The following ZNF141 variants were observed in gnomAD, a reference collection of about 807,000 sequenced individuals.
ZNF141 encodes zinc finger protein 141 (clone pHZ-44).
Under a neutral mutation model 11.3 loss-of-function variants are expected in ZNF141, and 7 were observed. The ratio of observed to expected loss-of-function variants is 0.62; its 90% CI spans 0.35 to 1.16. ZNF141 has a LOEUF of 1.16. Ranked by LOEUF, ZNF141 falls within the 50% of genes most tolerant of loss-of-function variation. The probability of loss-of-function intolerance (pLI) is 0.02; values close to 1 mark genes in which losing one functional copy is unlikely to be tolerated. For missense variants in ZNF141, 535 were observed against 554.0 expected (o/e 0.97, Z 0.34); for synonymous variants, 183 against 190.7 (o/e 0.96, Z 0.33).
chr4:343,148 G>GT (rs1721138115), intron 1 of ZNF141, among the ~76,000 whole-genome samples: 1 of 152,158 alleles, frequency 6.6e-6, no homozygotes, highest in Admixed American at 6.5e-5. Flanking sequence ...CAAGGCCAGG[G>GT]TGAAGCATGA....
At chr4:371,118 T>TTA (rs149751505) in intron 3 of ZNF141, among the ~76,000 whole-genome samples, 25,916 of 147,012 alleles carry the variant, frequency 0.18, 2,820 homozygotes, top group Non-Finnish European at 0.23. Context: ...ATGTTTTCAT[T>TTA]TATATATATA....
At chr4:364,796 C>T (rs1344954953) in intron 3 of ZNF141, among the ~76,000 whole-genome samples, 2 of 152,200 alleles carry the variant, frequency 1.3e-5, no homozygotes, top group African/African-American at 4.8e-5. Context: ...CAGGGACCCA[C>T]TTGAGGAGGC....
chr4:342,029 G>T (rs1242111455), intron 1 of ZNF141, among the ~76,000 whole-genome samples: 1 of 151,968 alleles, frequency 6.6e-6, no homozygotes, highest in African/African-American at 2.4e-5. Flanking sequence ...ACTTTCTTTG[G>T]CTCTCTCCCA....
intron 3 of ZNF141, among the ~76,000 whole-genome samples, chr4:346,169 CAG>C (rs2108686854): frequency 6.6e-6 from 1 of 152,194 alleles, no homozygotes; most frequent in South Asian, 2.1e-4. Flanking sequence ...CTAATTTTAC[CAG>C]AGTTTAATTG....
chr4:381,036 A>G lies in ZNF141; in HGVS notation c.*7174A>G, dbSNP rs1712591415. 6.6e-6 allele frequency among the ~76,000 whole-genome samples: 1 copy of G among 152,216 alleles called. No individual in the cohort carries two copies. Among genetic ancestry groups the G allele is most frequent in the Non-Finnish European group, 1.5e-5 (1 of 68,040 alleles). ...TCCTTCACCACCCCTTTAGCAATTC[A>G]GAATATTTATAGCATAATTTTTACC... is the stretch of plus-strand genomic sequence containing the variant. On this transcript the variant is annotated 3_prime_UTR_variant, in exon 4 of 4. Coordinates refer to ENST00000240499, the MANE Select transcript of ZNF141 (RefSeq NM_003441.4).
chr4:359,385 G>A (rs1484934668), intron 3 of ZNF141, among the ~76,000 whole-genome samples: 2 of 152,160 alleles, frequency 1.3e-5, no homozygotes, highest in African/African-American at 2.4e-5. Context: ...TGGCTCTTGC[G>A]AGATGTTTGG....
intron 3 of ZNF141, among the ~76,000 whole-genome samples, chr4:365,357 G>A (rs1711688795): frequency 6.6e-6 from 1 of 152,144 alleles, no homozygotes; most frequent in African/African-American, 2.4e-5. Context: ...TGTCCAACCA[G>A]TCCCAATGAG....
In ZNF141 at chr4:381,400, CTTTTTTTTTTTT is replaced by C. The variant is rs34721227; in HGVS notation, c.*7553_*7564del. Among the ~76,000 whole-genome samples, 3 of 76,946 alleles carry C rather than the reference CTTTTTTTTTTTT, an allele frequency of 3.9e-5. No individual in the cohort carries two copies. Among genetic ancestry groups the C allele is most frequent in the East Asian group, 3.4e-4 (1 of 2,946 alleles). The allele number at this position is 76,946 out of a possible 152,430, so 50.5% of individuals were successfully genotyped here. On this transcript the variant is annotated 3_prime_UTR_variant, in exon 4 of 4. Transcript: ENST00000240499. Reference sequence around the variant, plus strand: ...CTATTTAATACAGACTTCAAATGTGCTTTTTTTTTTTTTTTTTTTTTTTTTTGAGACGTTGTC... The same window carrying C: ...CTATTTAATACAGACTTCAAATGTGCTTTTTTTTTTTTTTGAGACGTTGTC...
At position 376,389 on chromosome 4, in the gene ZNF141, C is replaced by G. The variant is rs972111616; in HGVS notation, c.*2527C>G. ...TGGGTTATTTTCTTATACAGGCATA[C>G]AACATGTAATATACCAGAGTAAATG... is the stretch of plus-strand genomic sequence containing the variant. On this transcript the variant is annotated 3_prime_UTR_variant, in exon 4 of 4. Coordinates refer to ENST00000240499, the MANE Select transcript of ZNF141 (RefSeq NM_003441.4). 6.6e-6 allele frequency among the ~76,000 whole-genome samples: 1 copy of G among 151,992 alleles called. No homozygotes were observed. The highest frequency in any genetic ancestry group is 1.5e-5 in the Non-Finnish European group (1 of 67,892).
chr4:373,693 C>G lies in ZNF141; in HGVS notation c.1256C>G (p.Ala419Gly). 1 of 1,613,736 alleles carries G rather than the reference C, an allele frequency of 6.2e-7. No individual in the cohort carries two copies. The highest frequency in any genetic ancestry group is 1.3e-5 in the African/African-American group (1 of 74,896). Residue 419 changes from alanine to glycine, a missense_variant, in exon 4 of 4, where the codon GCA becomes GGA. Ala to Gly is a moderately conservative substitution (Grantham distance 60, BLOSUM62 0). Coordinates refer to ENST00000240499, the MANE Select transcript of ZNF141 (RefSeq NM_003441.4). ...DRSQHKKIHS[A>G]DKPYKCKECD... ...AGTCAACATAAGAAAATTCATAGTG[C>G]AGATAAACCCTACAAATGTAAAGAA... is the stretch of plus-strand genomic sequence containing the variant.
chr4:354,765 A>G (rs1362818674), intron 3 of ZNF141, among the ~76,000 whole-genome samples: 2 of 152,030 alleles, frequency 1.3e-5, no homozygotes, highest in Non-Finnish European at 2.9e-5. Flanking sequence ...CAAATACTTT[A>G]TGATTTCCTT....
In ZNF141 at chr4:376,996, T is replaced by A. The variant is rs1712402310; in HGVS notation, c.*3134T>A. ...TTTATTATGTGAGCTGGTCAGAAAT[T>A]ATAAGAATGATTTTTATAAAATGTA... On this transcript the variant is annotated 3_prime_UTR_variant, in exon 4 of 4. Transcript: ENST00000240499. Among the ~76,000 whole-genome samples the A allele has an allele frequency of 6.6e-6, 1 of 152,202 alleles. No individual in the cohort carries two copies. The highest frequency in any genetic ancestry group is 1.5e-5 in the Non-Finnish European group (1 of 68,024).
intron 3 of ZNF141, among the ~76,000 whole-genome samples, chr4:351,207 C>G (rs577994568): frequency 1.1e-4 from 16 of 151,416 alleles, no homozygotes; most frequent in African/African-American, 3.9e-4. Flanking sequence ...GCTTCCTGTA[C>G]AGCCTTCAGA....
In ZNF141 at chr4:378,835, ATTTTTTTTTTT is replaced by A. The variant is rs570639890; in HGVS notation, c.*4990_*5000del. Among the ~76,000 whole-genome samples the A allele has an allele frequency of 3.8e-5, 3 of 78,626 alleles. No homozygotes were observed. The highest frequency in any genetic ancestry group is 6.0e-5 in the African/African-American group (1 of 16,556). 51.6% of individuals were successfully genotyped at this position (78,626 alleles called of 152,430 possible). On this transcript the variant is annotated 3_prime_UTR_variant, in exon 4 of 4. Transcript: ENST00000240499. ...GTTGAATCCAAACAGTTTCTCAGTG[ATTTTTTTTTTT>A]TTTTTTTTTTTTTTTTGAGATGGAG...
At chr4:342,358 G>A (rs1553848601) in intron 1 of ZNF141, among the ~76,000 whole-genome samples, 1 of 152,226 alleles carries the variant, frequency 6.6e-6, no homozygotes, top group Non-Finnish European at 1.5e-5. Flanking sequence ...TGCAGAGAAT[G>A]CCATGTTTGA....
rs1712665988 is a variant in ZNF141, at chr4:382,370, G to GA, written c.*8514dup. 6.6e-6 allele frequency among the ~76,000 whole-genome samples: 1 copy of GA among 152,072 alleles called. No individual in the cohort carries two copies. Among genetic ancestry groups the GA allele is most frequent in the Non-Finnish European group, 1.5e-5 (1 of 68,018 alleles). On this transcript the variant is annotated 3_prime_UTR_variant, in exon 4 of 4. Transcript: ENST00000240499. ...CTGCTGGTTGGCTAAATTGCACTGG[G>GA]AAAAAATAGCAGCAGCCCTATTGCT...
In ZNF141 at chr4:376,237, T is replaced by C. The variant is rs1553854636; in HGVS notation, c.*2375T>C. On this transcript the variant is annotated 3_prime_UTR_variant, in exon 4 of 4. Coordinates refer to ENST00000240499, the MANE Select transcript of ZNF141 (RefSeq NM_003441.4). ...TAGTTGAATGACATTTTTAGTATTC[T>C]CTTTTTCCAGTGGCTTTAAATAGCA... is the stretch of plus-strand genomic sequence containing the variant. Among the ~76,000 whole-genome samples the C allele has an allele frequency of 2.6e-5, 4 of 152,094 alleles. No homozygotes were observed.
rs34721227 is a variant in ZNF141, at chr4:381,400, CTTTTTTTTTT to C, written c.*7555_*7564del. Among the ~76,000 whole-genome samples, 1 of 76,936 alleles carries C rather than the reference CTTTTTTTTTT, an allele frequency of 1.3e-5. No homozygotes were observed. The highest frequency in any genetic ancestry group is 6.1e-5 in the African/African-American group (1 of 16,424). 50.5% of individuals were successfully genotyped at this position (76,936 alleles called of 152,430 possible). A position where few individuals can be genotyped will look rare whatever the true frequency, so the allele number is the denominator to read the frequency against. ...CTATTTAATACAGACTTCAAATGTG[CTTTTTTTTTT>C]TTTTTTTTTTTTTTTTGAGACGTTG... is the stretch of plus-strand genomic sequence containing the variant. On this transcript the variant is annotated 3_prime_UTR_variant, in exon 4 of 4. Transcript: ENST00000240499.
chr4:382,328 T>A lies in ZNF141; in HGVS notation c.*8466T>A, dbSNP rs575728014. Among the ~76,000 whole-genome samples the A allele has an allele frequency of 2.6e-5, 4 of 152,234 alleles. No individual in the cohort carries two copies. Among genetic ancestry groups the A allele is most frequent in the South Asian group, 4.1e-4 (2 of 4,824 alleles). On this transcript the variant is annotated 3_prime_UTR_variant, in exon 4 of 4. Coordinates refer to ENST00000240499, the MANE Select transcript of ZNF141 (RefSeq NM_003441.4). ...ATGTGGGGTCTTAGAAAACATCTTG[T>A]CCCTTCGAAGCATACTCTGCTGGTT...
Sources: allele counts gnomAD v4.1 joint callset (sites outside exome capture counted in the v4.1 genomes callset), GRCh38; gene constraint gnomAD v4.1.1; transcripts MANE v1.5; gene names NCBI Gene and HGNC (gene_info 2026-07-23, HGNC 2026-07-21).